The following TRERF1 variants were observed in gnomAD, a reference collection of about 807,000 sequenced individuals.
The protein encoded by TRERF1 is transcriptional-regulating factor 1.
In TRERF1, 27 loss-of-function variants were observed where a neutral mutation model predicts 122.9. That is an observed-to-expected ratio of 0.22 (90% CI 0.16 to 0.30). The LOEUF (loss-of-function observed/expected upper bound fraction) is 0.30, where lower values mean the gene tolerates loss of function less well. Among genes scored for constraint, TRERF1 ranks in the 10% least tolerant of loss-of-function variants. The probability of loss-of-function intolerance (pLI) is 1.00; values close to 1 mark genes in which losing one functional copy is unlikely to be tolerated. For synonymous variants in TRERF1, 636 were observed against 641.7 expected, an observed-to-expected ratio of 0.99 and a Z score of 0.13; for missense variants, 1,248 against 1,560.3, an observed-to-expected ratio of 0.80 and a Z score of 3.37.
chr6:42,269,093 C>T lies in TRERF1; in HGVS notation c.498G>A (p.Leu166=), dbSNP rs1779781001. 1.2e-6 allele frequency: 2 copies of T among 1,614,082 alleles called. No homozygotes were observed. Among genetic ancestry groups the T allele is most frequent in the African/African-American group, 1.3e-5 (1 of 74,914 alleles). ...CATCCATCACTGCTGACTGAGTGTG[C>T]AGCACCTGGGCCATATTGTTGACCT... Residue 166 remains leucine, a synonymous_variant, in exon 5 of 18, where the codon CTG becomes CTA. Transcript: ENST00000372922. The surrounding 1 kb of genome is among the most constrained non-coding windows in gnomAD (Gnocchi z 4.9).
chr6:42,271,185 A>T (rs959999627), intron 4 of TRERF1, among the ~76,000 whole-genome samples: 23 of 122,994 alleles, frequency 1.9e-4, no homozygotes, highest in Non-Finnish European at 3.3e-4. Context: ...AACTCCATCT[A>T]AAAAAAAAAA....
At chr6:42,321,947 G>A (rs1394033065) in intron 3 of TRERF1, among the ~76,000 whole-genome samples, 4 of 152,192 alleles carry the variant, frequency 2.6e-5, no homozygotes, top group African/African-American at 7.2e-5. Flanking sequence ...AGATCAACCT[G>A]TAGATAAAGC....
intron 2 of TRERF1, among the ~76,000 whole-genome samples, chr6:42,369,792 T>C (rs1773438274): frequency 6.6e-6 from 1 of 152,134 alleles, no homozygotes; most frequent in Admixed American, 6.6e-5. Context: ...TCACAATATC[T>C]GGCCCCGCCC....
intron 2 of TRERF1, among the ~76,000 whole-genome samples, chr6:42,450,857 C>T (rs1293748391): frequency 6.6e-5 from 10 of 152,182 alleles, no homozygotes. Flanking sequence ...AAGGCAGAGT[C>T]CTGCGGTTTC....
At chr6:42,358,746 TA>T (rs1169143005) in intron 3 of TRERF1, among the ~76,000 whole-genome samples, 2 of 147,360 alleles carry the variant, frequency 1.4e-5, no homozygotes, top group African/African-American at 2.5e-5. Flanking sequence ...CTTGGCAAAA[TA>T]AAAAAGACTG....
chr6:42,440,987 A>G (rs1428734095), intron 2 of TRERF1, among the ~76,000 whole-genome samples: 2 of 152,108 alleles, frequency 1.3e-5, no homozygotes, highest in African/African-American at 4.8e-5. Flanking sequence ...TTACCACAAT[A>G]ATGATTTCCC....
At chr6:42,338,327 G>A (rs993012705) in intron 3 of TRERF1, among the ~76,000 whole-genome samples, 3 of 152,086 alleles carry the variant, frequency 2.0e-5, no homozygotes, top group Non-Finnish European at 4.4e-5. Context: ...GAACAAGACT[G>A]GGATTCTTCT....
At chr6:42,388,055 G>A (rs1341431377) in intron 2 of TRERF1, among the ~76,000 whole-genome samples, 2 of 152,086 alleles carry the variant, frequency 1.3e-5, no homozygotes, top group Non-Finnish European at 2.9e-5. Flanking sequence ...CCAAAGTGCT[G>A]GGATTACAGG....
At chr6:42,359,127 T>C (rs1220983085) in intron 3 of TRERF1, among the ~76,000 whole-genome samples, 1 of 152,158 alleles carries the variant, frequency 6.6e-6, no homozygotes, top group Non-Finnish European at 1.5e-5. Flanking sequence ...GGAGGCCCTG[T>C]GCCAACCAGT....
intron 3 of TRERF1, among the ~76,000 whole-genome samples, chr6:42,309,851 A>T (rs1443981885): frequency 7.2e-6 from 1 of 138,250 alleles, no homozygotes; most frequent in Admixed American, 7.1e-5. Flanking sequence ...CAGTGGCATG[A>T]TCAGGGCTCA....
intron 4 of TRERF1, among the ~76,000 whole-genome samples, chr6:42,285,394 G>C (rs1195640586): frequency 6.6e-6 from 1 of 151,978 alleles, no homozygotes; most frequent in Non-Finnish European, 1.5e-5. Flanking sequence ...TGAGACAATG[G>C]GGTTTTCTAG....
chr6:42,322,638 G>C (rs1763635386), intron 3 of TRERF1, among the ~76,000 whole-genome samples: 1 of 152,200 alleles, frequency 6.6e-6, no homozygotes, highest in Non-Finnish European at 1.5e-5. Flanking sequence ...TTATAGAGGT[G>C]TGGGGAGGAT....
intron 2 of TRERF1, among the ~76,000 whole-genome samples, chr6:42,436,736 T>C (rs1208646913): frequency 2.7e-5 from 4 of 147,084 alleles, no homozygotes. Flanking sequence ...ATTTTCTTCC[T>C]CATCTGTGTC....
chr6:42,236,953 C>T (rs577181869), intron 15 of TRERF1, among the ~76,000 whole-genome samples: 22 of 152,340 alleles, frequency 1.4e-4, no homozygotes, highest in African/African-American at 4.8e-4. Context: ...TCAAGGGGAG[C>T]TCCACTCTGG....
chr6:42,345,658 C>T (rs368227995), intron 3 of TRERF1, among the ~76,000 whole-genome samples: 1 of 152,222 alleles, frequency 6.6e-6, no homozygotes, highest in Non-Finnish European at 1.5e-5. Flanking sequence ...TAAACTAATA[C>T]ATAAAGTGCA....
At chr6:42,294,422 C>T (rs1040449232) in intron 4 of TRERF1, among the ~76,000 whole-genome samples, 7 of 151,694 alleles carry the variant, frequency 4.6e-5, no homozygotes, top group African/African-American at 7.3e-5. Context: ...TCTCATGATC[C>T]GCTCGCCTCA....
At chr6:42,273,109 A>G (rs1780543167) in intron 4 of TRERF1, among the ~76,000 whole-genome samples, 1 of 152,218 alleles carries the variant, frequency 6.6e-6, no homozygotes, top group Middle Eastern at 3.4e-3. Context: ...ACATTCTCAG[A>G]AAGTTCACTC....
intron 2 of TRERF1, among the ~76,000 whole-genome samples, chr6:42,432,466 A>C (rs1042163047): frequency 6.6e-6 from 1 of 152,248 alleles, no homozygotes; most frequent in Admixed American, 6.5e-5. Context: ...AAACTGTGTG[A>C]AATGACCTAA....
At chr6:42,326,879 AC>A (rs1488114682) in intron 3 of TRERF1, among the ~76,000 whole-genome samples, 1 of 152,194 alleles carries the variant, frequency 6.6e-6, no homozygotes, top group Non-Finnish European at 1.5e-5. Context: ...CAGACAAGGG[AC>A]TTTTGGGTGG....
Sources: allele counts gnomAD v4.1 joint callset (sites outside exome capture counted in the v4.1 genomes callset), GRCh38; gene constraint gnomAD v4.1.1; non-coding constraint Gnocchi (gnomAD v3.1); transcripts MANE v1.5; gene names NCBI Gene and HGNC (gene_info 2026-07-23, HGNC 2026-07-21).